The following NME7 variants were observed in gnomAD, a reference collection of about 807,000 sequenced individuals.
NME7 encodes the protein nucleoside diphosphate kinase 7.
A neutral mutation model predicts 49.1 loss-of-function variants in NME7; 41 were observed. The ratio of observed to expected loss-of-function variants is 0.83; its 90% CI spans 0.65 to 1.08. NME7 has a LOEUF of 1.08. NME7 is among the 50% of genes least tolerant of loss of function. The pLI is 0.00. For synonymous variants in NME7, 139 were observed against 150.6 expected (o/e 0.92, Z 0.56); for missense variants, 423 against 463.4 (o/e 0.91, Z 0.80).
intron 10 of NME7, among the ~76,000 whole-genome samples, chr1:169,191,965 A>G (rs1397695384): frequency 6.6e-6 from 1 of 152,156 alleles, no homozygotes; most frequent in Admixed American, 6.5e-5. Context: ...GCCCCACCCC[A>G]GACCAGCTGA....
chr1:169,156,552 G>A (rs962392693), intron 11 of NME7, among the ~76,000 whole-genome samples: 1 of 152,126 alleles, frequency 6.6e-6, no homozygotes, highest in African/African-American at 2.4e-5. Flanking sequence ...TAATCCTAGA[G>A]TCTTCGGCAA....
chr1:169,252,459 T>C (rs1648674894), intron 7 of NME7, among the ~76,000 whole-genome samples: 3 of 152,126 alleles, frequency 2.0e-5, no homozygotes, highest in Admixed American at 1.3e-4. Flanking sequence ...TTCTGGATAT[T>C]AGCCCTTTGT....
At chr1:169,257,733 CA>C (rs1188064493) in intron 7 of NME7, among the ~76,000 whole-genome samples, 1 of 134,194 alleles carries the variant, frequency 7.5e-6, no homozygotes, top group Non-Finnish European at 1.8e-5. Flanking sequence ...CTAGTAGTAA[CA>C]AATTCTCTCA....
intron 10 of NME7, among the ~76,000 whole-genome samples, chr1:169,203,651 G>A (rs1433411456): frequency 1.3e-5 from 2 of 152,108 alleles, no homozygotes; most frequent in African/African-American, 4.8e-5. Context: ...TCTCTAATCA[G>A]GAAGGAATGC....
chr1:169,152,908 A>C (rs1438908312), intron 11 of NME7, among the ~76,000 whole-genome samples: 1 of 152,166 alleles, frequency 6.6e-6, no homozygotes, highest in African/African-American at 2.4e-5. Flanking sequence ...TGTGTCATAC[A>C]TACCAAGAAA....
At chr1:169,142,428 C>T (rs1658622375) in intron 11 of NME7, among the ~76,000 whole-genome samples, 1 of 152,076 alleles carries the variant, frequency 6.6e-6, no homozygotes, top group Admixed American at 6.5e-5. Context: ...TAAAACGATG[C>T]TTGATGACTT....
chr1:169,244,635 C>CAAA (rs71121747), intron 7 of NME7, among the ~76,000 whole-genome samples: 41 of 85,274 alleles, frequency 4.8e-4, no homozygotes, highest in East Asian at 4.4e-3. Flanking sequence ...GACTCCATCT[C>CAAA]AAAAAAAAAA....
chr1:169,191,767 C>G (rs1267532164), intron 10 of NME7, among the ~76,000 whole-genome samples: 1 of 152,038 alleles, frequency 6.6e-6, no homozygotes, highest in Non-Finnish European at 1.5e-5. Context: ...AGTCTTAGTG[C>G]TATTTGCATA....
chr1:169,134,520 G>T (rs1356163847), intron 11 of NME7, among the ~76,000 whole-genome samples: 1 of 152,082 alleles, frequency 6.6e-6, no homozygotes, highest in Non-Finnish European at 1.5e-5. Context: ...ACTGAAGAGA[G>T]AAAAAGGATT....
chr1:169,310,784 A>G (rs1651352368), intron 3 of NME7: 1 of 152,184 alleles, frequency 6.6e-6, no homozygotes, highest in East Asian at 1.9e-4. Context: ...AACATGACAA[A>G]GGTTACACAG....
At chr1:169,331,151 T>C (rs1486735565) in intron 1 of NME7, among the ~76,000 whole-genome samples, 1 of 152,172 alleles carries the variant, frequency 6.6e-6, no homozygotes, top group Non-Finnish European at 1.5e-5. Context: ...GATGCAAGGA[T>C]GGTTCAACAT....
intron 10 of NME7, among the ~76,000 whole-genome samples, chr1:169,181,201 A>G (rs1051722966): frequency 6.6e-6 from 1 of 151,372 alleles, no homozygotes; most frequent in Non-Finnish European, 1.5e-5. Flanking sequence ...ATAATTTATC[A>G]TGTCTGTTGC....
intron 7 of NME7, among the ~76,000 whole-genome samples, chr1:169,279,508 C>T (rs1456874127): frequency 2.0e-5 from 3 of 152,156 alleles, no homozygotes. Flanking sequence ...CGGGATATGA[C>T]CTTCTGGTGC....
At chr1:169,291,427 G>GT (rs1460784183) in intron 6 of NME7, among the ~76,000 whole-genome samples, 7 of 152,110 alleles carry the variant, frequency 4.6e-5, no homozygotes, top group Admixed American at 4.6e-4. Context: ...ACCAAACACT[G>GT]TATGTTCTCA....
At position 169,273,936 on chromosome 1, in the gene NME7, C is replaced by T. The variant is rs1207356091; in HGVS notation, c.754+13367G>A. ...GCAATAAACATACGTGTGCATGTGT[C>T]TTTATAGCAGCATGATTTATAGTCC... On this transcript the variant is annotated intron_variant, in intron 7 of 11. Coordinates refer to ENST00000367811, the MANE Select transcript of NME7 (RefSeq NM_013330.5). Among the ~76,000 whole-genome samples, 6 of 130,914 alleles carry T rather than the reference C, an allele frequency of 4.6e-5. 1 individual carries two copies. The highest frequency in any genetic ancestry group is 1.5e-4 in the Admixed American group (2 of 13,160). 85.9% of individuals were successfully genotyped at this position (130,914 alleles called of 152,430 possible).
At chr1:169,344,387 T>C (rs1245102055) in intron 1 of NME7, among the ~76,000 whole-genome samples, 1 of 152,190 alleles carries the variant, frequency 6.6e-6, no homozygotes, top group Non-Finnish European at 1.5e-5. Context: ...ATTTCTTGCC[T>C]GACTGTACCA....
chr1:169,144,671 C>T (rs1658699400), intron 11 of NME7, among the ~76,000 whole-genome samples: 1 of 152,132 alleles, frequency 6.6e-6, no homozygotes, highest in Admixed American at 6.5e-5. Flanking sequence ...GTGCCTAGAA[C>T]AGTGAATGGC....
intron 6 of NME7, among the ~76,000 whole-genome samples, chr1:169,293,054 G>A (rs1036735875): frequency 4.6e-5 from 7 of 152,054 alleles, no homozygotes; most frequent in African/African-American, 1.7e-4. Context: ...CCAGCATTTT[G>A]GGAGGCCAAG....
intron 10 of NME7, among the ~76,000 whole-genome samples, chr1:169,225,506 C>T (rs1647296429): frequency 6.6e-6 from 1 of 152,270 alleles, no homozygotes; most frequent in East Asian, 1.9e-4. Context: ...ATGGCTGTTT[C>T]ATGGAGGACT....
Sources: gnomAD v4.1 joint callset for allele counts (sites outside exome capture counted in the v4.1 genomes callset) on GRCh38, gnomAD v4.1.1 for gene constraint, MANE v1.5 for transcripts, NCBI Gene and HGNC (gene_info 2026-07-23, HGNC 2026-07-21) for gene names.